ZFAND3: variants seen among roughly 807,000 people sequenced by gnomAD.
ZFAND3 encodes the protein zinc finger AN1-type containing 3, also known as AN1-type zinc finger protein 3.
ZFAND3 carries 10 observed loss-of-function variants against 29.6 expected under a neutral mutation model. The observed-to-expected ratio is 0.34, with a 90% CI of 0.21 to 0.57. The LOEUF (loss-of-function observed/expected upper bound fraction) is 0.57, where lower values mean the gene tolerates loss of function less well. Ranked by LOEUF, ZFAND3 falls within the 20% of genes least tolerant of loss-of-function variation. The pLI, the probability that ZFAND3 is intolerant of heterozygous loss-of-function variation, is 0.86. For synonymous variants in ZFAND3, 128 were observed against 112.6 expected (o/e 1.14, Z -0.87); for missense variants, 230 against 304.5 (o/e 0.76, Z 1.82).
intron 2 of ZFAND3, among the ~76,000 whole-genome samples, chr6:37,932,009 G>A (rs1490001853): frequency 2.0e-5 from 3 of 152,142 alleles, no homozygotes; most frequent in African/African-American, 7.2e-5. Context: ...AGTGGCTCAC[G>A]CCTATAATCC....
At chr6:37,953,763 A>G (rs1362467865) in intron 2 of ZFAND3, among the ~76,000 whole-genome samples, 1 of 152,188 alleles carries the variant, frequency 6.6e-6, no homozygotes, top group Non-Finnish European at 1.5e-5. Flanking sequence ...ATAGTCAATT[A>G]TCTTTTAAAG....
At chr6:37,985,528 C>CACACACACACACACACACA (rs372598964) in intron 2 of ZFAND3, among the ~76,000 whole-genome samples, 1 of 127,670 alleles carries the variant, frequency 7.8e-6, no homozygotes, top group Non-Finnish European at 1.8e-5. Flanking sequence ...CACACACACA[C>CACACACACACACACACACA]CCCCACACAC....
intron 1 of ZFAND3, among the ~76,000 whole-genome samples, chr6:37,921,105 C>T (rs1280413687): frequency 1.3e-5 from 2 of 152,122 alleles, no homozygotes; most frequent in African/African-American, 2.4e-5. Context: ...TTCTCCTTCT[C>T]TTTGTCCTCT....
At chr6:37,861,040 C>T (rs983666177) in intron 1 of ZFAND3, among the ~76,000 whole-genome samples, 1 of 152,072 alleles carries the variant, frequency 6.6e-6, no homozygotes, top group Non-Finnish European at 1.5e-5. Flanking sequence ...GGGCAAATCA[C>T]TTGGCAAGGA....
At chr6:37,903,479 C>G (rs1291370553) in intron 1 of ZFAND3, among the ~76,000 whole-genome samples, 1 of 152,152 alleles carries the variant, frequency 6.6e-6, no homozygotes, top group Non-Finnish European at 1.5e-5. Context: ...AAATTACTGT[C>G]AAAGCGTCTC....
intron 2 of ZFAND3, among the ~76,000 whole-genome samples, chr6:37,990,590 C>A (rs1256325730): frequency 6.6e-6 from 1 of 151,920 alleles, no homozygotes; most frequent in Non-Finnish European, 1.5e-5. Flanking sequence ...GCCATATAAG[C>A]AAAATCAAAA....
chr6:37,968,713 C>T (rs1015696572), intron 2 of ZFAND3, among the ~76,000 whole-genome samples: 1 of 152,172 alleles, frequency 6.6e-6, no homozygotes. Context: ...CTTCCGCCTT[C>T]CCGCTTCCCT....
intron 1 of ZFAND3, among the ~76,000 whole-genome samples, chr6:37,923,382 T>C (rs1465544085): frequency 6.6e-6 from 1 of 152,228 alleles, no homozygotes; most frequent in Non-Finnish European, 1.5e-5. Context: ...TTCCACATCT[T>C]TTCCCACTGG....
At chr6:37,846,662 A>G (rs935003387) in intron 1 of ZFAND3, among the ~76,000 whole-genome samples, 3 of 150,780 alleles carry the variant, frequency 2.0e-5, no homozygotes, top group Non-Finnish European at 4.4e-5. Flanking sequence ...ACTCAAATCT[A>G]GTTTGTTAGT....
At chr6:37,887,489 T>C (rs1290801336) in intron 1 of ZFAND3, among the ~76,000 whole-genome samples, 3 of 152,306 alleles carry the variant, frequency 2.0e-5, no homozygotes, top group Non-Finnish European at 1.5e-5. Context: ...AATCAGAACT[T>C]ACTATGTTGG....
At chr6:37,913,385 CAAG>C (rs1217079724) in intron 1 of ZFAND3, among the ~76,000 whole-genome samples, 2 of 152,170 alleles carry the variant, frequency 1.3e-5, no homozygotes, top group Admixed American at 6.5e-5. Context: ...AGATTTAACT[CAAG>C]AAACCATTTT....
At position 37,819,859 on chromosome 6, in the gene ZFAND3, C is replaced by A; in HGVS notation, c.-87C>A. ...CCTCCCCCCGCCCCGAGCCCCCCGA[C>A]GCCGCCGCCACCGCCTCCTCAGAGC... On this transcript the variant is annotated 5_prime_UTR_variant, in exon 1 of 6. Coordinates refer to ENST00000287218, the MANE Select transcript of ZFAND3 (RefSeq NM_021943.3). 1.0e-6 allele frequency: 1 copy of A among 993,870 alleles called. No individual in the cohort carries two copies. The highest frequency in any genetic ancestry group is 1.2e-6 in the Non-Finnish European group (1 of 800,620). 61.6% of individuals were successfully genotyped at this position (993,870 alleles called of 1,614,324 possible).
intron 5 of ZFAND3, among the ~76,000 whole-genome samples, chr6:38,139,215 C>T (rs1765901047): frequency 6.6e-6 from 1 of 152,078 alleles, no homozygotes; most frequent in Non-Finnish European, 1.5e-5. Flanking sequence ...TTTGCTTGCT[C>T]CCTAGGGTTC....
At chr6:37,910,549 A>G (rs988729963) in intron 1 of ZFAND3, among the ~76,000 whole-genome samples, 3 of 152,164 alleles carry the variant, frequency 2.0e-5, no homozygotes, top group Non-Finnish European at 2.9e-5. Context: ...ATACATTGTA[A>G]TGGCTAAATC....
chr6:37,823,191 C>T (rs1763698447), intron 1 of ZFAND3, among the ~76,000 whole-genome samples: 2 of 152,096 alleles, frequency 1.3e-5, no homozygotes, highest in African/African-American at 2.4e-5. Context: ...CCTGTGGTGG[C>T]GTGAACCAGT....
chr6:38,072,825 C>G (rs1055991499), intron 3 of ZFAND3, among the ~76,000 whole-genome samples: 1 of 152,186 alleles, frequency 6.6e-6, no homozygotes, highest in African/African-American at 2.4e-5. Flanking sequence ...TATAAACCAT[C>G]TCACTTTTTG....
chr6:38,048,257 C>A (rs1174607357), intron 2 of ZFAND3, among the ~76,000 whole-genome samples: 2 of 151,982 alleles, frequency 1.3e-5, no homozygotes, highest in African/African-American at 4.8e-5. Context: ...CCCACCTCCG[C>A]CCCTCAAAGT....
chr6:37,963,082 C>T (rs1228883566), intron 2 of ZFAND3, among the ~76,000 whole-genome samples: 1 of 152,176 alleles, frequency 6.6e-6, no homozygotes, highest in Non-Finnish European at 1.5e-5. Context: ...AAGGAACAAA[C>T]TCTGGACACA....
At chr6:38,099,693 A>G (rs1313238336) in intron 4 of ZFAND3, among the ~76,000 whole-genome samples, 1 of 152,258 alleles carries the variant, frequency 6.6e-6, no homozygotes, top group Non-Finnish European at 1.5e-5. Flanking sequence ...TACTTTAGCA[A>G]GGAGTAAAGA....
Sources: gnomAD v4.1 joint callset for allele counts (sites outside exome capture counted in the v4.1 genomes callset) on GRCh38, gnomAD v4.1.1 for gene constraint, MANE v1.5 for transcripts, NCBI Gene and HGNC (gene_info 2026-07-23, HGNC 2026-07-21) for gene names.